Variants in TAS2R1 observed in about 807,000 individuals in gnomAD.
TAS2R1 encodes the protein taste 2 receptor member 1, also known as taste receptor type 2 member 1.
For synonymous variants in TAS2R1, 141 were observed against 134.2 expected (o/e 1.05, Z -0.35); for missense variants, 370 against 353.4 (o/e 1.05, Z -0.38).
chr5:9,893,288 TC>T, the TAS2R1 span, among the ~76,000 whole-genome samples: 1 of 147,684 alleles, frequency 6.8e-6, no homozygotes, highest in Non-Finnish European at 1.5e-5. Context: ...CAGTGCAACC[TC>T]CACCTCCCGT....
At chr5:9,687,802 T>C (rs1288160295) in intron 1 of TAS2R1, among the ~76,000 whole-genome samples, 1 of 152,218 alleles carries the variant, frequency 6.6e-6, no homozygotes, top group Non-Finnish European at 1.5e-5. Context: ...TGATTACCCC[T>C]CAGCTGAAAT....
At position 9,629,652 on chromosome 5, in the gene TAS2R1, T is replaced by C. The variant is rs758432063; in HGVS notation, c.381A>G (p.Pro127=). 5 of 1,614,040 alleles carry C rather than the reference T, an allele frequency of 3.1e-6. No homozygotes were observed. The highest frequency in any genetic ancestry group is 2.7e-5 in the African/African-American group (2 of 74,924). The part of the protein sequence containing the change: ...WLKMRISKLV[P]WMILGSLLYV... ...ATAGCAGAGACCCCAGGATCATCCATGGGACCAGCTTGGATATCCTCATCT... is the reference window on the plus strand; with the variant it reads ...ATAGCAGAGACCCCAGGATCATCCACGGGACCAGCTTGGATATCCTCATCT... The change falls in exon 1 of 1, where the codon CCA becomes CCG. Residue 127 remains proline, a synonymous_variant. Transcript: ENST00000382492.
At chr5:9,714,174 A>G (rs1041313484), upstream of TAS2R1, 15 of 152,324 alleles carry the variant, frequency 9.8e-5, no homozygotes, top group African/African-American at 3.6e-4. Flanking sequence ...ACAGGTCCCT[A>G]AAGACAGGTT....
the TAS2R1 span, among the ~76,000 whole-genome samples, chr5:9,719,293 T>C: frequency 6.6e-5 from 10 of 152,326 alleles, no homozygotes; most frequent in South Asian, 2.1e-3. Flanking sequence ...ACATAAATGA[T>C]AAATCAAATG....
Position 9,656,255 on chromosome 5 carries a change from G to C in TAS2R1, c.-81+3166C>G, listed in dbSNP as rs183796873. Among the ~76,000 whole-genome samples, 3 of 152,308 alleles carry C rather than the reference G, an allele frequency of 2.0e-5. No individual in the cohort carries two copies. In the East Asian group the frequency reaches 5.8e-4, roughly 29 times the overall value. On this transcript the variant is annotated intron_variant, in intron 2 of 2. Transcript: ENST00000506620. ...AAAGAAAATTATCGAGTATCAGCAA[G>C]ATTTAAGTTGTGGCACTTTCACTCA...
At chr5:9,771,806 A>C in the TAS2R1 span, among the ~76,000 whole-genome samples, 1 of 152,070 alleles carries the variant, frequency 6.6e-6, no homozygotes, top group African/African-American at 2.4e-5. Context: ...ATAGTTGCTC[A>C]CAGTAGCCTC....
At chr5:9,748,570 G>A in the TAS2R1 span, among the ~76,000 whole-genome samples, 1 of 152,130 alleles carries the variant, frequency 6.6e-6, no homozygotes, top group African/African-American at 2.4e-5. Context: ...AAGGTGGAAG[G>A]GGAGCTGGTG....
the TAS2R1 span, among the ~76,000 whole-genome samples, chr5:9,722,876 G>A: frequency 8.5e-5 from 13 of 152,230 alleles, no homozygotes; most frequent in Admixed American, 2.6e-4. Flanking sequence ...CATCGGCTCT[G>A]CTTTGCCCTT....
intron 1 of TAS2R1, among the ~76,000 whole-genome samples, chr5:9,672,153 A>G (rs1316280605): frequency 1.3e-5 from 2 of 152,240 alleles, no homozygotes; most frequent in Non-Finnish European, 2.9e-5. Context: ...TGATAAATCC[A>G]AGAGTTAAAT....
intron 2 of TAS2R1, among the ~76,000 whole-genome samples, chr5:9,651,972 T>C (rs573041390): frequency 1.3e-5 from 2 of 152,320 alleles, no homozygotes; most frequent in South Asian, 2.1e-4. Context: ...ATTTTTGTCA[T>C]GACTGTCACT....
At chr5:9,688,997 C>T (rs1267372346) in intron 1 of TAS2R1, among the ~76,000 whole-genome samples, 2 of 152,122 alleles carry the variant, frequency 1.3e-5, no homozygotes, top group South Asian at 4.1e-4. Context: ...CCGACCATCA[C>T]GGCATCAGCA....
chr5:9,650,512 T>C (rs972896970), intron 2 of TAS2R1, among the ~76,000 whole-genome samples: 2 of 152,138 alleles, frequency 1.3e-5, no homozygotes, highest in Admixed American at 6.6e-5. Context: ...GCCTCTAATA[T>C]TATGTTGGGC....
chr5:9,722,974 C>A, the TAS2R1 span, among the ~76,000 whole-genome samples: 7 of 152,206 alleles, frequency 4.6e-5, no homozygotes, highest in African/African-American at 1.2e-4. Flanking sequence ...ATGACAAACA[C>A]CCTGCCTCAA....
At chr5:9,886,330 C>G in the TAS2R1 span, among the ~76,000 whole-genome samples, 3 of 98,066 alleles carry the variant, frequency 3.1e-5, no homozygotes, top group African/African-American at 1.0e-4. Flanking sequence ...CTGCGCCCAG[C>G]ATTTTTTTTT....
intron 1 of TAS2R1, among the ~76,000 whole-genome samples, chr5:9,702,574 C>T (rs537261727): frequency 6.6e-6 from 1 of 152,234 alleles, no homozygotes; most frequent in African/African-American, 2.4e-5. Context: ...CTGAGCCTGG[C>T]CTAAATTGTC....
chr5:9,644,248 G>A (rs1211530469), intron 2 of TAS2R1, among the ~76,000 whole-genome samples: 1 of 152,174 alleles, frequency 6.6e-6, no homozygotes, highest in Non-Finnish European at 1.5e-5. Context: ...TGGAGGTTGG[G>A]AGAAGGCAAG....
At chr5:9,812,592 A>G in the TAS2R1 span, among the ~76,000 whole-genome samples, 1 of 152,162 alleles carries the variant, frequency 6.6e-6, no homozygotes, top group African/African-American at 2.4e-5. Flanking sequence ...AACCCCACAG[A>G]AAACTACCTA....
At chr5:9,889,095 C>G in the TAS2R1 span, among the ~76,000 whole-genome samples, 1 of 152,178 alleles carries the variant, frequency 6.6e-6, no homozygotes. Context: ...CACCCTTAAA[C>G]TATACAGACC....
chr5:9,634,974 A>G (rs1156832309), upstream of TAS2R1, among the ~76,000 whole-genome samples: 2 of 152,124 alleles, frequency 1.3e-5, no homozygotes, highest in African/African-American at 4.8e-5. Context: ...TAGGACTTCC[A>G]GTACTATGTT....
Sources: gnomAD v4.1 joint callset for allele counts (sites outside exome capture counted in the v4.1 genomes callset) on GRCh38, gnomAD v4.1.1 for gene constraint, MANE v1.5 for transcripts, NCBI Gene and HGNC (gene_info 2026-07-23, HGNC 2026-07-21) for gene names.